The following CXADR variants were observed in gnomAD, a reference collection of about 807,000 sequenced individuals.
CXADR encodes the protein coxsackievirus and adenovirus receptor.
Under a neutral mutation model 40.3 loss-of-function variants are expected in CXADR, and 20 were observed. The observed-to-expected ratio is 0.50, with a 90% CI of 0.35 to 0.72. The LOEUF (loss-of-function observed/expected upper bound fraction) is 0.72. CXADR is among the 30% of genes least tolerant of loss of function. CXADR has a pLI of 0.01. For synonymous variants in CXADR, 150 were observed against 161.3 expected (o/e 0.93, Z 0.53); for missense variants, 332 against 449.1 (o/e 0.74, Z 2.36).
chr21:17,551,652 C>T lies in CXADR; in HGVS notation c.211-97C>T, dbSNP rs561500918. 1.0e-4 allele frequency: 100 copies of T among 979,442 alleles called. 2 individuals carry two copies. In the South Asian group the frequency reaches 1.6e-3, roughly 16 times the overall value. The allele number at this position is 979,442 out of a possible 1,614,324, so 60.7% of individuals were successfully genotyped here. A position where few individuals can be genotyped will look rare whatever the true frequency, so the allele number is the denominator to read the frequency against. On this transcript the variant is annotated intron_variant, in intron 2 of 6. Coordinates refer to ENST00000284878, the MANE Select transcript of CXADR (RefSeq NM_001338.5). ...CTTCTTTTTCTTTTCTGGGAGGGGG[C>T]GTTCTGTAGCAGCAGGTGTATCCAG...
chr21:17,548,750 A>C (rs574408753), intron 2 of CXADR, among the ~76,000 whole-genome samples: 1 of 152,360 alleles, frequency 6.6e-6, no homozygotes, highest in South Asian at 2.1e-4. Context: ...TCTGTTAATG[A>C]GAAGAAGACT....
chr21:17,518,918 C>T lies in CXADR; in HGVS notation c.43+5746C>T. On this transcript the variant is annotated intron_variant, in intron 1 of 6. Transcript: ENST00000284878. ...TCAGCCATGGCTGTTTTATGTACCA[C>T]CTTCTTTCTGCGAGCTGTACCCTTG... is the stretch of plus-strand genomic sequence containing the variant. 9 of 1,592,364 alleles carry T rather than the reference C, an allele frequency of 5.7e-6. No homozygotes were observed. The South Asian group carries it at 8.8e-5, about 16-fold the overall frequency.
chr21:17,587,837 C>G (rs1339563396), intron 7 of CXADR, among the ~76,000 whole-genome samples: 9 of 152,156 alleles, frequency 5.9e-5, no homozygotes, highest in Admixed American at 5.9e-4. Context: ...ATGGTATTGC[C>G]TAGGTTTTCT....
chr21:17,526,855 T>C (rs1180576891), intron 1 of CXADR, among the ~76,000 whole-genome samples: 1 of 152,212 alleles, frequency 6.6e-6, no homozygotes, highest in Non-Finnish European at 1.5e-5. Context: ...TTTGTTTTGC[T>C]AAATAGTCAC....
the CXADR span, chr21:17,611,763 C>G: frequency 1.3e-5 from 2 of 152,258 alleles, no homozygotes; most frequent in Admixed American, 6.5e-5. Flanking sequence ...CACAAGGCTC[C>G]TCTGCTCACG....
intron 7 of CXADR, among the ~76,000 whole-genome samples, chr21:17,589,524 T>TAAC (rs1601067099): frequency 1.3e-5 from 2 of 152,052 alleles, no homozygotes; most frequent in African/African-American, 4.8e-5. Flanking sequence ...CTGAGAACAC[T>TAAC]AACTACCATT....
intron 1 of CXADR, among the ~76,000 whole-genome samples, chr21:17,531,299 A>C (rs1260964866): frequency 1.1e-5 from 1 of 91,406 alleles, no homozygotes; most frequent in Non-Finnish European, 1.9e-5. Flanking sequence ...ACTCTGTCTC[A>C]AAAAAAAAAA....
chr21:17,598,697 A>G, the CXADR span: 1 of 1,614,084 alleles, frequency 6.2e-7, no homozygotes, highest in Non-Finnish European at 8.5e-7. Context: ...TCTGAAGAAG[A>G]GGATCCTGAA....
chr21:17,530,415 T>C (rs966817724), intron 1 of CXADR: 19 of 456,406 alleles, frequency 4.2e-5, no homozygotes, highest in Non-Finnish European at 7.9e-5. Flanking sequence ...CTTTGTTTTA[T>C]TCATTTGCAT....
the CXADR span, among the ~76,000 whole-genome samples, chr21:17,621,740 C>A: frequency 6.6e-6 from 1 of 152,154 alleles, no homozygotes; most frequent in African/African-American, 2.4e-5. Flanking sequence ...GATAATAGAA[C>A]CTGCTGGCAA....
At chr21:17,551,689 G>A in intron 2 of CXADR, 60 bp from the exon 3 acceptor site, 1 of 1,485,348 alleles carries the variant, frequency 6.7e-7, no homozygotes, top group South Asian at 1.2e-5. Flanking sequence ...GCTCCTTTAA[G>A]AGACAGTTTT....
intron 6 of CXADR, among the ~76,000 whole-genome samples, chr21:17,562,725 A>G (rs908679920): frequency 1.3e-5 from 2 of 152,250 alleles, no homozygotes; most frequent in South Asian, 2.1e-4. Context: ...TCTTTTAACT[A>G]GATCTTCTGG....
At chr21:17,532,082 C>T (rs2060685070) in intron 1 of CXADR, among the ~76,000 whole-genome samples, 1 of 151,966 alleles carries the variant, frequency 6.6e-6, no homozygotes, top group African/African-American at 2.4e-5. Context: ...AGGCATGCAC[C>T]ACCACGTACA....
chr21:17,549,381 A>G (rs1163105533), intron 2 of CXADR, among the ~76,000 whole-genome samples: 2 of 152,220 alleles, frequency 1.3e-5, no homozygotes, highest in East Asian at 1.9e-4. Context: ...CTAGCATCTC[A>G]GGGTCATTAC....
the CXADR span, chr21:17,605,001 C>A: frequency 6.2e-7 from 1 of 1,613,090 alleles, no homozygotes; most frequent in Admixed American, 1.7e-5. Context: ...AATACATCTA[C>A]AACAAAGTGG....
intron 6 of CXADR, among the ~76,000 whole-genome samples, chr21:17,562,453 C>G (rs2123315950): frequency 6.6e-6 from 1 of 152,338 alleles, no homozygotes; most frequent in South Asian, 2.1e-4. Flanking sequence ...TTCCGAGTAT[C>G]TGGGACTACA....
At chr21:17,599,062 TTTTC>T in the CXADR span, 1 of 327,402 alleles carries the variant, frequency 3.1e-6, no homozygotes, top group Non-Finnish European at 5.3e-6. Flanking sequence ...CTTTCCCTTA[TTTTC>T]TTTCTACTAA....
the CXADR span, among the ~76,000 whole-genome samples, chr21:17,600,530 T>C: frequency 6.6e-6 from 1 of 152,038 alleles, no homozygotes; most frequent in Non-Finnish European, 1.5e-5. Flanking sequence ...CCTTTGAAAA[T>C]GTACATGAGG....
At chr21:17,613,108 C>T in the CXADR span, 1 of 152,092 alleles carries the variant, frequency 6.6e-6, no homozygotes, top group Non-Finnish European at 1.5e-5. Flanking sequence ...GAGCCTGGCG[C>T]AGACCCTCGA....
Sources: gnomAD v4.1 joint callset for allele counts (sites outside exome capture counted in the v4.1 genomes callset) on GRCh38, gnomAD v4.1.1 for gene constraint, MANE v1.5 for transcripts, NCBI Gene and HGNC (gene_info 2026-07-23, HGNC 2026-07-21) for gene names.